NCAM1: variants seen among roughly 807,000 people sequenced by gnomAD.
The protein encoded by NCAM1 is antigen recognized by monoclonal antibody 5.1H11.
Under a neutral mutation model 109.8 loss-of-function variants are expected in NCAM1, and 14 were observed. The ratio of observed to expected loss-of-function variants is 0.13; its 90% CI spans 0.08 to 0.20. The LOEUF is 0.20. Ranked by LOEUF, NCAM1 falls within the 10% of genes least tolerant of loss-of-function variation. The pLI is 1.00. For missense variants in NCAM1, 774 were observed against 1,109.9 expected, an observed-to-expected ratio of 0.70 and a Z score of 4.30; for synonymous variants, 418 against 442.9, an observed-to-expected ratio of 0.94 and a Z score of 0.70.
intron 1 of NCAM1, among the ~76,000 whole-genome samples, chr11:113,030,280 C>T (rs1188165557): frequency 6.6e-6 from 1 of 152,172 alleles, no homozygotes; most frequent in Non-Finnish European, 1.5e-5. Context: ...TTCAGCCATC[C>T]TCCTGGCTAG....
Position 113,193,904 on chromosome 11 carries a change from G to A in NCAM1, c.53-8475G>A, listed in dbSNP as rs566885756. Among the ~76,000 whole-genome samples the A allele has an allele frequency of 2.0e-5, 3 of 152,246 alleles. No individual in the cohort carries two copies. In the South Asian group the frequency reaches 6.2e-4, roughly 32 times the overall value. On this transcript the variant is annotated intron_variant, in intron 1 of 19. Coordinates refer to ENST00000316851, the MANE Select transcript of NCAM1 (RefSeq NM_181351.5). Reference sequence around the variant, plus strand: ...ACGTTTTCTAGCAGCTAGGTGGTTTGTAGGGGCAGCAACCATGGTTTGAAA... The same window carrying A: ...ACGTTTTCTAGCAGCTAGGTGGTTTATAGGGGCAGCAACCATGGTTTGAAA...
At chr11:113,141,080 T>TAGGGA (rs1167574479) in intron 1 of NCAM1, among the ~76,000 whole-genome samples, 1 of 152,230 alleles carries the variant, frequency 6.6e-6, no homozygotes, top group Non-Finnish European at 1.5e-5. Flanking sequence ...GGGAATCTTT[T>TAGGGA]TTGTAAGCCA....
intron 13 of NCAM1, among the ~76,000 whole-genome samples, chr11:113,234,644 G>A (rs1159563516): frequency 6.6e-6 from 1 of 152,208 alleles, no homozygotes; most frequent in African/African-American, 2.4e-5. Context: ...TGTTTAAGGT[G>A]GAATAACATT....
chr11:113,044,020 G>A (rs901100786), intron 1 of NCAM1, among the ~76,000 whole-genome samples: 2 of 150,400 alleles, frequency 1.3e-5, no homozygotes, highest in Non-Finnish European at 1.5e-5. Flanking sequence ...ATAATATTTA[G>A]CCTCGGTAAT....
At position 113,236,366 on chromosome 11, in the gene NCAM1, C is replaced by A. The variant is rs1945167721; in HGVS notation, c.1825+1202C>A. ...CCTGTTTCCATAGCGTTAACATCTG[C>A]TAGTTCTAGTTCGTAATTTAGTTCT... On this transcript the variant is annotated intron_variant, in intron 14 of 19. Transcript: ENST00000316851. 1.8e-5 allele frequency: 29 copies of A among 1,586,804 alleles called. No homozygotes were observed. The East Asian group carries it at 6.0e-4, about 33-fold the overall frequency.
chr11:113,131,307 C>T (rs1941372933), intron 1 of NCAM1, among the ~76,000 whole-genome samples: 1 of 152,156 alleles, frequency 6.6e-6, no homozygotes. Flanking sequence ...TGATGCTTTC[C>T]ACCCTCTGGG....
intron 1 of NCAM1, among the ~76,000 whole-genome samples, chr11:113,045,054 C>T (rs1953218816): frequency 6.6e-6 from 1 of 152,154 alleles, no homozygotes; most frequent in South Asian, 2.1e-4. Context: ...GCGCCCGGCC[C>T]TTCGCTTTTA....
At chr11:113,015,806 A>G (rs115046945) in intron 1 of NCAM1, among the ~76,000 whole-genome samples, 12 of 152,322 alleles carry the variant, frequency 7.9e-5, no homozygotes, top group African/African-American at 2.6e-4. Context: ...AGATCTAGAT[A>G]TATAACCAGG....
chr11:113,262,078 G>A (rs375689556), intron 17 of NCAM1, among the ~76,000 whole-genome samples: 5 of 152,150 alleles, frequency 3.3e-5, no homozygotes, highest in South Asian at 2.1e-4. Flanking sequence ...CTGTGTTCTC[G>A]GTTAGACTTT....
chr11:113,253,775 G>C (rs1296102131), intron 15 of NCAM1, among the ~76,000 whole-genome samples: 1 of 152,138 alleles, frequency 6.6e-6, no homozygotes, highest in Non-Finnish European at 1.5e-5. Context: ...GGCTAGGGCA[G>C]GTAGACCATT....
At chr11:113,103,418 G>A (rs1471801953) in intron 1 of NCAM1, among the ~76,000 whole-genome samples, 1 of 152,190 alleles carries the variant, frequency 6.6e-6, no homozygotes, top group Non-Finnish European at 1.5e-5. Context: ...GTGTCCTTGT[G>A]TTCACTGATA....
chr11:113,261,271 A>G (rs1555123319), intron 17 of NCAM1, among the ~76,000 whole-genome samples: 5 of 152,036 alleles, frequency 3.3e-5, no homozygotes, highest in Non-Finnish European at 7.4e-5. Context: ...AGGAGGAGAC[A>G]GGCCAGAGGG....
At chr11:113,203,205 G>T (rs374774512) in intron 2 of NCAM1, among the ~76,000 whole-genome samples, 49 of 152,324 alleles carry the variant, frequency 3.2e-4, no homozygotes, top group African/African-American at 1.2e-3. Context: ...CATTTAGCAA[G>T]CAGCTTTTGG....
chr11:113,036,930 G>A (rs1248655257), intron 1 of NCAM1, among the ~76,000 whole-genome samples: 6 of 151,996 alleles, frequency 3.9e-5, no homozygotes, highest in Non-Finnish European at 8.8e-5. Context: ...AGGAACAGGT[G>A]GGCATTCATC....
chr11:112,991,671 C>T (rs1555070607), intron 1 of NCAM1, among the ~76,000 whole-genome samples: 1 of 152,058 alleles, frequency 6.6e-6, no homozygotes, highest in Non-Finnish European at 1.5e-5. Context: ...CTGGGACTCC[C>T]GAATTTTAAA....
intron 1 of NCAM1, among the ~76,000 whole-genome samples, chr11:113,126,248 T>C: frequency 6.6e-6 from 1 of 151,898 alleles, no homozygotes; most frequent in East Asian, 1.9e-4. Context: ...ATAAAAACAG[T>C]AAATAGCTGC....
intron 1 of NCAM1, among the ~76,000 whole-genome samples, chr11:113,042,055 C>T (rs1953098573): frequency 6.6e-6 from 1 of 152,218 alleles, no homozygotes; most frequent in African/African-American, 2.4e-5. Flanking sequence ...CCTCCCTCCT[C>T]TGACTTCCTC....
intron 1 of NCAM1, among the ~76,000 whole-genome samples, chr11:113,013,710 T>G (rs1259100474): frequency 6.6e-6 from 1 of 152,170 alleles, no homozygotes; most frequent in Admixed American, 6.5e-5. Context: ...CAATAGACTA[T>G]TGCAAGACTG....
intron 1 of NCAM1, among the ~76,000 whole-genome samples, chr11:113,187,328 T>C (rs1158048254): frequency 6.6e-6 from 1 of 152,308 alleles, no homozygotes; most frequent in South Asian, 2.1e-4. Flanking sequence ...TTTGATGGCC[T>C]TTCCCCAAGG....
Sources: allele counts gnomAD v4.1 joint callset (sites outside exome capture counted in the v4.1 genomes callset), GRCh38; gene constraint gnomAD v4.1.1; transcripts MANE v1.5; gene names NCBI Gene and HGNC (gene_info 2026-07-23, HGNC 2026-07-21).